The following PKHD1 variants were observed in gnomAD, a reference collection of about 807,000 sequenced individuals.
The protein encoded by PKHD1 is fibrocystin.
In PKHD1, 291 loss-of-function variants were observed where a neutral mutation model predicts 412.0. The ratio of observed to expected loss-of-function variants is 0.71; its 90% CI spans 0.64 to 0.78. The LOEUF (loss-of-function observed/expected upper bound fraction) is 0.78. PKHD1 is among the 30% of genes least tolerant of loss of function. PKHD1 has a pLI of 0.00. For synonymous variants in PKHD1, 1,777 were observed against 1,821.5 expected (o/e 0.98, Z 0.62); for missense variants, 4,825 against 4,950.7 (o/e 0.97, Z 0.76).
intron 60 of PKHD1, among the ~76,000 whole-genome samples, chr6:51,673,849 G>A (rs751501092): frequency 6.6e-5 from 10 of 152,204 alleles, no homozygotes; most frequent in Non-Finnish European, 7.3e-5. Context: ...TCCAGTTGAG[G>A]TAAATGAGTG....
intron 34 of PKHD1, 52 bp downstream of exon 34, chr6:52,017,358 C>G: frequency 2.3e-6 from 3 of 1,284,862 alleles, no homozygotes; most frequent in Non-Finnish European, 3.4e-6. Context: ...CTCCATCGGT[C>G]CATTGGCCAA....
At chr6:52,049,132 C>A (rs2128194189) in intron 22 of PKHD1, among the ~76,000 whole-genome samples, 1 of 152,260 alleles carries the variant, frequency 6.6e-6, no homozygotes, top group Admixed American at 6.5e-5. Context: ...GAAATGCATC[C>A]TTAGACAGTC....
intron 60 of PKHD1, among the ~76,000 whole-genome samples, chr6:51,662,885 T>C (rs1446733830): frequency 6.6e-6 from 1 of 152,036 alleles, no homozygotes; most frequent in Non-Finnish European, 1.5e-5. Flanking sequence ...TGTCTCTTAA[T>C]GAAATTGGAT....
intron 36 of PKHD1, among the ~76,000 whole-genome samples, chr6:51,958,866 G>C (rs976094304): frequency 2.0e-5 from 3 of 151,592 alleles, no homozygotes; most frequent in African/African-American, 7.3e-5. Flanking sequence ...GACAGGGCAA[G>C]AGCCCAAGCT....
chr6:51,934,805 T>C lies in PKHD1; in HGVS notation c.5909-483A>G, dbSNP rs1489509456. On this transcript the variant is annotated intron_variant, in intron 36 of 66. Coordinates refer to ENST00000371117, the MANE Select transcript of PKHD1 (RefSeq NM_138694.4). The stretch of plus-strand genomic sequence containing the variant: ...CCAGCATCCATTATACTTTCTTTTG[T>C]TAACAGACCCTAATTTCCTTGAGGT... Among the ~76,000 whole-genome samples, 4 of 152,202 alleles carry C rather than the reference T, an allele frequency of 2.6e-5. No homozygotes were observed. In the South Asian group the frequency reaches 8.3e-4, roughly 32 times the overall value.
chr6:51,999,528 A>G (rs2128094869), intron 35 of PKHD1, among the ~76,000 whole-genome samples: 1 of 152,296 alleles, frequency 6.6e-6, no homozygotes, highest in Non-Finnish European at 1.5e-5. Flanking sequence ...AAAGATGTGC[A>G]TGTTAGGAGC....
intron 36 of PKHD1, among the ~76,000 whole-genome samples, chr6:51,956,575 A>G (rs2127926330): frequency 6.6e-6 from 1 of 152,184 alleles, no homozygotes; most frequent in Admixed American, 6.6e-5. Context: ...TTATTCTAGT[A>G]GAGGAGACAG....
rs1036002703 is a variant in PKHD1 at position 51,791,267 on chromosome 6, G to A, written c.8409C>T (p.Cys2803=). 3 of 1,613,790 alleles carry A rather than the reference G, an allele frequency of 1.9e-6. No individual in the cohort carries two copies. The African/African-American group carries it at 4.0e-5, about 22-fold the overall frequency. ...TCAGCTCCCCGCCTGCAATGACCATGCATGCCACACTCAGAACATTGCTTC... is the reference window on the plus strand; with the variant it reads ...TCAGCTCCCCGCCTGCAATGACCATACATGCCACACTCAGAACATTGCTTC... ...VDRSNVLSVA[C]MVIAGGELKV... The change falls in exon 53 of 67, where the codon TGC becomes TGT. Residue 2803 remains cysteine, a synonymous_variant. Coordinates refer to ENST00000371117, the MANE Select transcript of PKHD1 (RefSeq NM_138694.4).
At chr6:51,775,523 G>A (rs1029455172) in intron 54 of PKHD1, among the ~76,000 whole-genome samples, 2 of 151,818 alleles carry the variant, frequency 1.3e-5, no homozygotes, top group East Asian at 1.9e-4. Flanking sequence ...TGACTCAGTC[G>A]AAACTTTAGT....
intron 35 of PKHD1, among the ~76,000 whole-genome samples, chr6:51,966,376 G>A (rs1792806937): frequency 6.6e-6 from 1 of 152,126 alleles, no homozygotes; most frequent in Non-Finnish European, 1.5e-5. Context: ...TTTTACAAAG[G>A]AGGCAATCAG....
At chr6:51,906,119 T>TCA (rs1782038970) in intron 41 of PKHD1, 96 bp downstream of exon 41, 1 of 1,041,696 alleles carries the variant, frequency 9.6e-7, no homozygotes, top group African/African-American at 1.6e-5. Flanking sequence ...AGCCAATATT[T>TCA]TTATAAATTA....
chr6:51,960,783 C>T (rs1460568227), intron 35 of PKHD1, among the ~76,000 whole-genome samples: 1 of 152,106 alleles, frequency 6.6e-6, no homozygotes, highest in Non-Finnish European at 1.5e-5. Context: ...AAAGGAAGCA[C>T]TCCCTCTCCA....
At chr6:51,647,543 T>C (rs1581822702) in intron 63 of PKHD1, among the ~76,000 whole-genome samples, 1 of 152,210 alleles carries the variant, frequency 6.6e-6, no homozygotes, top group African/African-American at 2.4e-5. Context: ...AGGGCTGCTA[T>C]GGGTCAGGTG....
At chr6:51,764,911 A>G (rs77318148) in intron 55 of PKHD1, among the ~76,000 whole-genome samples, 2,143 of 151,978 alleles carry the variant, frequency 0.014, 44 homozygotes, top group South Asian at 0.075. Context: ...AATGCCCCCA[A>G]TCTCAATCCC....
intron 37 of PKHD1, among the ~76,000 whole-genome samples, chr6:51,915,145 C>G (rs560520004): frequency 6.6e-6 from 1 of 152,174 alleles, no homozygotes; most frequent in African/African-American, 2.4e-5. Flanking sequence ...TATAGGCCCT[C>G]TCTCTTGACC....
At chr6:51,743,832 G>A (rs774003236) in intron 60 of PKHD1, among the ~76,000 whole-genome samples, 2 of 152,154 alleles carry the variant, frequency 1.3e-5, no homozygotes, top group Non-Finnish European at 2.9e-5. Flanking sequence ...ATCTCTCCAG[G>A]GGTCCAGCCA....
chr6:51,690,726 A>G (rs1426882618), intron 60 of PKHD1, among the ~76,000 whole-genome samples: 1 of 152,192 alleles, frequency 6.6e-6, no homozygotes, highest in Non-Finnish European at 1.5e-5. Flanking sequence ...AAGAAAACCT[A>G]GGCAATACCA....
At chr6:51,759,956 G>A (rs1183865236) in intron 55 of PKHD1, among the ~76,000 whole-genome samples, 1 of 151,818 alleles carries the variant, frequency 6.6e-6, no homozygotes, top group East Asian at 1.9e-4. Context: ...CCTTTCACCA[G>A]CATCATAATA....
chr6:51,713,466 G>T (rs191641484), intron 60 of PKHD1, among the ~76,000 whole-genome samples: 11 of 152,322 alleles, frequency 7.2e-5, no homozygotes, highest in Admixed American at 5.2e-4. Flanking sequence ...GTTCTCCAGG[G>T]TTGAGCATAG....
Sources: gnomAD v4.1 joint callset for allele counts (sites outside exome capture counted in the v4.1 genomes callset) on GRCh38, gnomAD v4.1.1 for gene constraint, MANE v1.5 for transcripts, NCBI Gene and HGNC (gene_info 2026-07-23, HGNC 2026-07-21) for gene names.